ZNF112: variants seen among roughly 807,000 people sequenced by gnomAD.
ZNF112 encodes the protein zinc finger protein 112.
In ZNF112, 37 loss-of-function variants were observed where a neutral mutation model predicts 77.7. The ratio of observed to expected loss-of-function variants is 0.48; its 90% CI spans 0.37 to 0.63. The LOEUF is 0.63. Ranked by LOEUF, ZNF112 falls within the 20% of genes least tolerant of loss-of-function variation. The pLI is 0.00. For missense variants in ZNF112, 950 were observed against 1,077.4 expected, an observed-to-expected ratio of 0.88 and a Z score of 1.66; for synonymous variants, 333 against 363.6, an observed-to-expected ratio of 0.92 and a Z score of 0.96.
At chr19:44,332,121 G>A (rs886121965) in intron 3 of ZNF112, among the ~76,000 whole-genome samples, 5 of 152,106 alleles carry the variant, frequency 3.3e-5, no homozygotes, top group African/African-American at 1.2e-4. Flanking sequence ...AGGATGCAGT[G>A]ACCTATTAAT....
At position 44,327,273 on chromosome 19, in the gene ZNF112, C is replaced by T. The variant is rs897942870; in HGVS notation, c.*160G>A. ...ACTGATGTTAAAGTTCTAACAAAAT[C>T]CCTCGTGAAACCCCTCTCATTAAAT... On this transcript the variant is annotated 3_prime_UTR_variant, in exon 4 of 4. Coordinates refer to ENST00000354340, the MANE Select transcript of ZNF112 (RefSeq NM_013380.4). 3 of 599,474 alleles carry T rather than the reference C, an allele frequency of 5.0e-6. No individual in the cohort carries two copies. The East Asian group carries it at 8.4e-5, about 17-fold the overall frequency. 37.1% of individuals were successfully genotyped at this position (599,474 alleles called of 1,614,324 possible).
chr19:44,340,380 G>A lies in ZNF112; in HGVS notation c.124+36C>T, dbSNP rs774927882. The stretch of plus-strand genomic sequence containing the variant: ...TTGAGCACACAAAGACACCCCAGGA[G>A]GCTGCCATTGAGTAACTAAGGGCAC... On this transcript the variant is annotated intron_variant, in intron 2 of 3. Coordinates refer to ENST00000354340, the MANE Select transcript of ZNF112 (RefSeq NM_013380.4). The A allele has an allele frequency of 7.5e-6, 12 of 1,608,212 alleles. No individual in the cohort carries two copies. In the South Asian group the frequency reaches 1.3e-4, roughly 18 times the overall value.
intron 1 of ZNF112, among the ~76,000 whole-genome samples, chr19:44,344,667 G>A (rs998243736): frequency 2.0e-5 from 3 of 152,224 alleles, no homozygotes; most frequent in African/African-American, 7.2e-5. Flanking sequence ...GGTGCACGGA[G>A]TCCTTTGAGA....
At position 44,329,704 on chromosome 19, in the gene ZNF112, A is replaced by G. The variant is rs773960221; in HGVS notation, c.453T>C (p.Tyr151=). The G allele has an allele frequency of 6.2e-7, 1 of 1,614,094 alleles. No homozygotes were observed. The highest frequency in any genetic ancestry group is 8.5e-7 in the Non-Finnish European group (1 of 1,180,012). ...IPVQISEDKN[Y]IFTHIGNGSN... is the part of the protein sequence containing the mutation. ...AGCCATTCCCTATATGAGTGAATAT[A>G]TAGTTCTTATCTTCAGAAATCTGAA... The change falls in exon 4 of 4, where the codon TAT becomes TAC. Residue 151 remains tyrosine, a synonymous_variant. Coordinates refer to ENST00000354340, the MANE Select transcript of ZNF112 (RefSeq NM_013380.4).
At chr19:44,337,397 A>T (rs1482091497) in intron 2 of ZNF112, among the ~76,000 whole-genome samples, 43 of 59,318 alleles carry the variant, frequency 7.2e-4, no homozygotes, top group African/African-American at 3.1e-3. Context: ...AATATATATA[A>T]TATATATTTT....
intron 3 of ZNF112, among the ~76,000 whole-genome samples, chr19:44,330,861 C>T (rs775488113): frequency 9.9e-5 from 15 of 152,170 alleles, no homozygotes; most frequent in Non-Finnish European, 1.9e-4. Context: ...TGGACAAACG[C>T]CTTTTGTCCT....
rs565598869 is a variant in ZNF112, at chr19:44,327,666, C to T, written c.2491G>A (p.Val831Ile). 53 of 1,613,906 alleles carry T rather than the reference C, an allele frequency of 3.3e-5. No homozygotes were observed. In the East Asian group the frequency reaches 5.1e-4, roughly 16 times the overall value. The change falls in exon 4 of 4, where the codon GTA becomes ATA. Residue 831 changes from valine (V) to isoleucine (I), a missense_variant. This residue lies in a region of ZNF112 where 373 missense variants were observed against 482.8 expected (regional missense o/e 0.77). Transcript: ENST00000354340. Reference sequence around the variant, plus strand: ...CTCTGACTGAAGCCCTTTCCACATACCTCACATTTGTATGGTTTCTCTCCT... The same window carrying T: ...CTCTGACTGAAGCCCTTTCCACATATCTCACATTTGTATGGTTTCTCTCCT... ...HTGEKPYKCE[V>I]CGKGFSQRSN...
upstream of ZNF112, among the ~76,000 whole-genome samples, chr19:44,360,418 A>G (rs1335136803): frequency 2.0e-5 from 3 of 152,182 alleles, no homozygotes; most frequent in East Asian, 3.8e-4. Context: ...CCCATTTATC[A>G]TAAGAAAATT....
chr19:44,337,897 G>A (rs1970415986), intron 2 of ZNF112, among the ~76,000 whole-genome samples: 1 of 139,786 alleles, frequency 7.2e-6, no homozygotes, highest in Admixed American at 7.6e-5. Context: ...TATGTCCTGA[G>A]ACAAAGAAAC....
chr19:44,327,463 T>C lies in ZNF112; in HGVS notation c.2694A>G (p.Leu898=), dbSNP rs775636617. ...ACAAAACAGAATCTTCATTTCTGTG[T>C]AGATTCTCTGATGAAGGGTAGTCCT... The part of the protein sequence containing the change: ...YGKDYPSSEN[L]HRNEDSVLF The change falls in exon 4 of 4, where the codon CTA becomes CTG. Residue 898 remains leucine (L), a synonymous_variant. Transcript: ENST00000354340. 34 of 1,610,164 alleles carry C rather than the reference T, an allele frequency of 2.1e-5. No individual in the cohort carries two copies. In the Admixed American group the frequency reaches 4.7e-4, roughly 22 times the overall value.
intron 1 of ZNF112, among the ~76,000 whole-genome samples, chr19:44,343,991 A>G (rs74811604): frequency 0.011 from 1,716 of 152,344 alleles, 13 homozygotes; most frequent in Non-Finnish European, 0.018. Flanking sequence ...AGTATATACT[A>G]TATACATCGA....
At chr19:44,347,485 A>ATTTTT (rs757226424) in intron 1 of ZNF112, among the ~76,000 whole-genome samples, 21 of 40,318 alleles carry the variant, frequency 5.2e-4, no homozygotes, top group African/African-American at 1.4e-3. Context: ...TTTTGGGTTG[A>ATTTTT]TTTTTTTTTT....
chr19:44,339,401 G>A (rs897738223), intron 2 of ZNF112, among the ~76,000 whole-genome samples: 4 of 152,198 alleles, frequency 2.6e-5, no homozygotes, highest in Admixed American at 6.5e-5. Context: ...AACCTCTGGA[G>A]AAACTGGAAT....
At chr19:44,348,095 G>A (rs920560979) in intron 1 of ZNF112, among the ~76,000 whole-genome samples, 2 of 152,026 alleles carry the variant, frequency 1.3e-5, no homozygotes, top group African/African-American at 4.8e-5. Flanking sequence ...TATATAATAT[G>A]TCATTTTCTC....
chr19:44,359,036 GC>G (rs1307978324), upstream of ZNF112, among the ~76,000 whole-genome samples: 1 of 152,026 alleles, frequency 6.6e-6, no homozygotes, highest in African/African-American at 2.4e-5. Context: ...TTTCATCATG[GC>G]TCTTTGTAAA....
intron 1 of ZNF112, among the ~76,000 whole-genome samples, chr19:44,366,755 A>G (rs1415863846): frequency 6.6e-6 from 1 of 151,580 alleles, no homozygotes; most frequent in Non-Finnish European, 1.5e-5. Flanking sequence ...ATTTCTTCCC[A>G]GGCTCATAGA....
chr19:44,329,911 C>A lies in ZNF112; in HGVS notation c.246G>T (p.Glu82Asp), dbSNP rs1237715933. 6.2e-7 allele frequency: 1 copy of A among 1,611,880 alleles called. No homozygotes were observed. Among genetic ancestry groups the A allele is most frequent in the African/African-American group, 1.3e-5 (1 of 74,950 alleles). The change falls in exon 4 of 4, where the codon GAG becomes GAT. Residue 82 changes from glutamate (E) to aspartate (D), a missense_variant. Glu to Asp is a conservative substitution (Grantham distance 45). Coordinates refer to ENST00000354340, the MANE Select transcript of ZNF112 (RefSeq NM_013380.4). ...AGCTTACTGTTACTTCCTGAATACT[C>A]TCCATCTTTTGTTGATTCTTCCTTC... ...CSGRKNQQKMESIQEVTVSYF... is the reference protein window; with the variant it reads ...CSGRKNQQKMDSIQEVTVSYF...
chr19:44,362,993 A>G (rs1970868667), intron 1 of ZNF112, among the ~76,000 whole-genome samples: 1 of 152,184 alleles, frequency 6.6e-6, no homozygotes, highest in South Asian at 2.1e-4. Context: ...TTTTGAAGAC[A>G]GGGTCTTACC....
intron 1 of ZNF112, among the ~76,000 whole-genome samples, chr19:44,366,725 G>A (rs1464020164): frequency 6.8e-6 from 1 of 147,476 alleles, no homozygotes; most frequent in Admixed American, 6.9e-5. Flanking sequence ...GGGCAAAATA[G>A]CACTGCAGGT....
Sources: allele counts gnomAD v4.1 joint callset (sites outside exome capture counted in the v4.1 genomes callset), GRCh38; gene constraint gnomAD v4.1.1; regional missense constraint gnomAD v4.1.1; transcripts MANE v1.5; gene names NCBI Gene and HGNC (gene_info 2026-07-23, HGNC 2026-07-21).